The following CBLN1 variants were observed in gnomAD, a reference collection of about 807,000 sequenced individuals.
CBLN1 encodes the protein cerebellin 1 precursor.
A neutral mutation model predicts 15.9 loss-of-function variants in CBLN1; 5 were observed. The ratio of observed to expected loss-of-function variants is 0.31; its 90% CI spans 0.16 to 0.66. CBLN1 has a LOEUF of 0.66. Among genes scored for constraint, CBLN1 ranks in the 30% least tolerant of loss-of-function variants. The pLI, the probability that CBLN1 is intolerant of heterozygous loss-of-function variation, is 0.75. For synonymous variants in CBLN1, 90 were observed against 107.6 expected (o/e 0.84, Z 1.01); for missense variants, 164 against 253.7 (o/e 0.65, Z 2.40).
chr16:49,279,733 G>A lies in CBLN1; in HGVS notation c.385-132C>T, dbSNP rs1009351318. 35 of 598,734 alleles carry A rather than the reference G, an allele frequency of 5.8e-5. 7 individuals are homozygous for A. Among genetic ancestry groups the A allele is most frequent in the Middle Eastern group, 4.0e-4 (1 of 2,506 alleles). The allele number at this position is 598,734 out of a possible 1,614,324, so 37.1% of individuals were successfully genotyped here. On this transcript the variant is annotated intron_variant, in intron 2 of 2. Coordinates refer to ENST00000219197, the MANE Select transcript of CBLN1 (RefSeq NM_004352.4). ...GCACGGAGAGGTGGGGGGTGGGGGG[G>A]GCGAATGGAGGAAAAGGGGCTTTGC...
At position 49,279,726 on chromosome 16, in the gene CBLN1, T is replaced by TGG. The variant is rs111507068; in HGVS notation, c.385-127_385-126dup. ...CCTGGAAGCACGGAGAGGTGGGGGG[T>TGG]GGGGGGGGCGAATGGAGGAAAAGGG... On this transcript the variant is annotated intron_variant, in intron 2 of 2. Coordinates refer to ENST00000219197, the MANE Select transcript of CBLN1 (RefSeq NM_004352.4). 3.1e-3 allele frequency: 696 copies of TGG among 222,104 alleles called. 14 individuals carry two copies. In the East Asian group the frequency reaches 0.047, roughly 15 times the overall value. The allele number at this position is 222,104 out of a possible 1,614,324, so 13.8% of individuals were successfully genotyped here. A position where few individuals can be genotyped will look rare whatever the true frequency, so the allele number is the denominator to read the frequency against.
At chr16:49,280,509 G>T (rs1321037476) in intron 2 of CBLN1, among the ~76,000 whole-genome samples, 1 of 152,238 alleles carries the variant, frequency 6.6e-6, no homozygotes, top group Non-Finnish European at 1.5e-5. Flanking sequence ...TGGTGCTGAA[G>T]ACAAGCACGC....
chr16:49,280,866 C>T, intron 2 of CBLN1, 57 bp downstream of exon 2: 1 of 1,609,696 alleles, frequency 6.2e-7, no homozygotes, highest in African/African-American at 1.3e-5. Flanking sequence ...GCCCGAGCAC[C>T]CCTGAGGCCA....
chr16:49,280,719 T>C (rs954935377), intron 2 of CBLN1, among the ~76,000 whole-genome samples: 2 of 151,952 alleles, frequency 1.3e-5, no homozygotes, highest in Admixed American at 6.6e-5. Flanking sequence ...TCTCGGGGGA[T>C]GGGGCTGGAT....
chr16:49,279,190 G>C lies in CBLN1; in HGVS notation c.*214C>G. The C allele has an allele frequency of 1.8e-6, 1 of 559,242 alleles. No homozygotes were observed. The highest frequency in any genetic ancestry group is 3.1e-6 in the Non-Finnish European group (1 of 317,628). The allele number at this position is 559,242 out of a possible 1,614,324, so 34.6% of individuals were successfully genotyped here. A position where few individuals can be genotyped will look rare whatever the true frequency, so the allele number is the denominator to read the frequency against. ...GGAGGCGAGTTTATTTTTGGAAATGGGAGTGCGCAGAGCTAAGCGAAATTT... is the reference window on the plus strand; with the variant it reads ...GGAGGCGAGTTTATTTTTGGAAATGCGAGTGCGCAGAGCTAAGCGAAATTT... On this transcript the variant is annotated 3_prime_UTR_variant, in exon 3 of 3. Coordinates refer to ENST00000219197, the MANE Select transcript of CBLN1 (RefSeq NM_004352.4).
Position 49,279,339 on chromosome 16 carries a change from A to G in CBLN1, c.*65T>C. 2 of 1,448,604 alleles carry G rather than the reference A, an allele frequency of 1.4e-6. No homozygotes were observed. The highest frequency in any genetic ancestry group is 2.3e-5 in the East Asian group (1 of 43,876). The allele number at this position is 1,448,604 out of a possible 1,614,324, so 89.7% of individuals were successfully genotyped here. ...GCTGCTTTCTCGCCCTCTTAATTTC[A>G]GCCTCTTTCTCACTCCCCTTCCTGC... On this transcript the variant is annotated 3_prime_UTR_variant, in exon 3 of 3. Coordinates refer to ENST00000219197, the MANE Select transcript of CBLN1 (RefSeq NM_004352.4).
At position 49,279,726 on chromosome 16, in the gene CBLN1, T is replaced by TGGGGGGGGGGGGG. The variant is rs111507068; in HGVS notation, c.385-126_385-125insCCCCCCCCCCCCC. ...CCTGGAAGCACGGAGAGGTGGGGGG[T>TGGGGGGGGGGGGG]GGGGGGGGCGAATGGAGGAAAAGGG... On this transcript the variant is annotated intron_variant, in intron 2 of 2. Transcript: ENST00000219197. 8 of 222,138 alleles carry TGGGGGGGGGGGGG rather than the reference T, an allele frequency of 3.6e-5. 1 individual carries two copies. Among genetic ancestry groups the TGGGGGGGGGGGGG allele is most frequent in the African/African-American group, 8.3e-5 (2 of 24,098 alleles). The allele number at this position is 222,138 out of a possible 1,614,324, so 13.8% of individuals were successfully genotyped here.
intron 1 of CBLN1, 71 bp downstream of exon 1, chr16:49,281,131 G>C (rs117241029): frequency 3.1e-6 from 5 of 1,613,838 alleles, no homozygotes; most frequent in Admixed American, 1.7e-5. Context: ...GGAGAGGACC[G>C]GGCATCGGTC....
rs777543103 is a variant in CBLN1 at position 49,281,029 on chromosome 16, A to G, written c.278T>C (p.Ile93Thr). ...IIYFDQVLVN[I>T]GNNFDSERST... Reference sequence around the variant, plus strand: ...GCGTTCTGAATCAAAGTTGTTCCCAATGTTCACTAGTACCTATAACGAGAC... The same window carrying G: ...GCGTTCTGAATCAAAGTTGTTCCCAGTGTTCACTAGTACCTATAACGAGAC... Residue 93 changes from isoleucine to threonine, a missense_variant, in exon 2 of 3, where the codon ATT (isoleucine) becomes ACT (threonine). Physicochemically the swap from Ile to Thr is moderately conservative, Grantham distance 89. Transcript: ENST00000219197. The G allele has an allele frequency of 6.2e-7, 1 of 1,614,214 alleles. No individual in the cohort carries two copies. Among genetic ancestry groups the G allele is most frequent in the Non-Finnish European group, 8.5e-7 (1 of 1,180,036 alleles).
chr16:49,280,599 T>C (rs1963259224), intron 2 of CBLN1, among the ~76,000 whole-genome samples: 1 of 152,114 alleles, frequency 6.6e-6, no homozygotes, highest in Non-Finnish European at 1.5e-5. Context: ...CCGGGAAGGC[T>C]TCCCAAGCGG....
rs2151232546 is a variant in CBLN1 at position 49,279,144 on chromosome 16, G to T, written c.*260C>A. ...ACAATGACAAGGCAGTCTCTTTCTT[G>T]ATTACTGCAACTGGAATGGGGGAGG... On this transcript the variant is annotated 3_prime_UTR_variant, in exon 3 of 3. Coordinates refer to ENST00000219197, the MANE Select transcript of CBLN1 (RefSeq NM_004352.4). 1 of 514,472 alleles carries T rather than the reference G, an allele frequency of 1.9e-6. No individual in the cohort carries two copies. Among genetic ancestry groups the T allele is most frequent in the African/African-American group, 1.9e-5 (1 of 52,018 alleles). The allele number at this position is 514,472 out of a possible 1,614,324, so 31.9% of individuals were successfully genotyped here.
At chr16:49,280,797 G>GA in intron 2 of CBLN1, 126 bp downstream of exon 2, 1 of 1,006,040 alleles carries the variant, frequency 9.9e-7, no homozygotes, top group African/African-American at 1.6e-5. Context: ...CCCGCTATCT[G>GA]TCCCTCCAAG....
chr16:49,280,387 C>T (rs1963251242), intron 2 of CBLN1, among the ~76,000 whole-genome samples: 2 of 152,202 alleles, frequency 1.3e-5, no homozygotes, highest in Non-Finnish European at 1.5e-5. Context: ...CCCCTCCCTC[C>T]CTCCTCTCTC....
chr16:49,281,806 A>ATGCAGCCGGCGC lies in CBLN1; in HGVS notation c.-353_-342dup, dbSNP rs1169259700. On this transcript the variant is annotated 5_prime_UTR_variant, in exon 1 of 3. Coordinates refer to ENST00000219197, the MANE Select transcript of CBLN1 (RefSeq NM_004352.4). ...CCGCCGCCGCCGCTCTGAATTATTG[A>ATGCAGCCGGCGC]TGCAGCCGGCGCTGCAGCCGGAGCG... 5 of 219,644 alleles carry ATGCAGCCGGCGC rather than the reference A, an allele frequency of 2.3e-5. No individual in the cohort carries two copies. The highest frequency in any genetic ancestry group is 3.6e-5 in the Non-Finnish European group (4 of 112,476). 13.6% of individuals were successfully genotyped at this position (219,644 alleles called of 1,614,324 possible).
chr16:49,280,903 G>C lies in CBLN1; in HGVS notation c.384+20C>G. ...TAACCCCCCTACGGGGCCAGGGCCC[G>C]GCACGAGGCGTCGGCTGACCTGTAT... On this transcript the variant is annotated intron_variant, in intron 2 of 2. Coordinates refer to ENST00000219197, the MANE Select transcript of CBLN1 (RefSeq NM_004352.4). The C allele has an allele frequency of 2.5e-6, 4 of 1,614,074 alleles. No homozygotes were observed. Among genetic ancestry groups the C allele is most frequent in the Non-Finnish European group, 3.4e-6 (4 of 1,179,974 alleles).
rs995938244 is a variant in CBLN1, at chr16:49,278,484, C to G, written c.*920G>C. 2.0e-5 allele frequency: 3 copies of G among 152,254 alleles called. No homozygotes were observed. The highest frequency in any genetic ancestry group is 2.9e-5 in the Non-Finnish European group (2 of 68,052). The allele number at this position is 152,254 out of a possible 1,614,324, so 9.4% of individuals were successfully genotyped here. A position where few individuals can be genotyped will look rare whatever the true frequency, so the allele number is the denominator to read the frequency against. ...GCACCCCAGACCCCCAACCTCGCAG[C>G]TGGGGAAGATGCGGATTTTAGAAAG... On this transcript the variant is annotated 3_prime_UTR_variant, in exon 3 of 3. Transcript: ENST00000219197.
rs766797115 is a variant in CBLN1 at position 49,281,227 on chromosome 16, C to A, written c.239G>T (p.Arg80Leu). 1.2e-6 allele frequency: 2 copies of A among 1,614,018 alleles called. No individual in the cohort carries two copies. Among genetic ancestry groups the A allele is most frequent in the Admixed American group, 1.7e-5 (1 of 60,018 alleles). Reference sequence around the variant, plus strand: ...CTGGTCGAAGTAGATGATCATGGTGCGATTACTCATCTCGGACGGCTCGTG... The same window carrying A: ...CTGGTCGAAGTAGATGATCATGGTGAGATTACTCATCTCGGACGGCTCGTG... ...TNHEPSEMSNRTMIIYFDQVL... is the reference protein window; with the variant it reads ...TNHEPSEMSNLTMIIYFDQVL... Residue 80 changes from arginine to leucine, a missense_variant, in exon 1 of 3, where the codon CGC (arginine) becomes CTC (leucine). Arg to Leu is a moderately radical substitution (Grantham distance 102). Transcript: ENST00000219197.
At chr16:49,279,714 A>AGGG in intron 2 of CBLN1, 113 bp from the exon 3 acceptor site, 1 of 164,750 alleles carries the variant, frequency 6.1e-6, no homozygotes, top group Non-Finnish European at 1.1e-5. Flanking sequence ...GGAAGCACGG[A>AGGG]GAGGTGGGGG....
chr16:49,279,710 A>AGGGG, intron 2 of CBLN1, 109 bp from the exon 3 acceptor site: 1 of 334,584 alleles, frequency 3.0e-6, no homozygotes, highest in Non-Finnish European at 5.6e-6. Flanking sequence ...GCCTGGAAGC[A>AGGGG]CGGAGAGGTG....
Sources: gnomAD v4.1 joint callset for allele counts (sites outside exome capture counted in the v4.1 genomes callset) on GRCh38, gnomAD v4.1.1 for gene constraint, MANE v1.5 for transcripts, NCBI Gene and HGNC (gene_info 2026-07-23, HGNC 2026-07-21) for gene names.